Variants in ADD2 observed in about 807,000 individuals in gnomAD.
The protein encoded by ADD2 is beta-adducin.
ADD2 carries 23 observed loss-of-function variants against 83.0 expected under a neutral mutation model. The ratio of observed to expected loss-of-function variants is 0.28; its 90% CI spans 0.20 to 0.39. The LOEUF (loss-of-function observed/expected upper bound fraction) is 0.39, where lower values mean the gene tolerates loss of function less well. ADD2 is among the 10% of genes least tolerant of loss of function. The probability of loss-of-function intolerance (pLI) is 1.00; values close to 1 mark genes in which losing one functional copy is unlikely to be tolerated. For missense variants in ADD2, 758 were observed against 944.9 expected, an observed-to-expected ratio of 0.80 and a Z score of 2.59; for synonymous variants, 375 against 375.4, an observed-to-expected ratio of 1.00 and a Z score of 0.01.
At chr2:70,692,691 T>C in intron 6 of ADD2, 139 bp from the exon 7 acceptor site, 1 of 969,196 alleles carries the variant, frequency 1.0e-6, no homozygotes, top group Non-Finnish European at 1.5e-6. Context: ...GGACTTGGTG[T>C]TGGAAGAAAA....
chr2:70,735,328 T>C (rs1673482588), intron 1 of ADD2, among the ~76,000 whole-genome samples: 1 of 152,150 alleles, frequency 6.6e-6, no homozygotes, highest in African/African-American at 2.4e-5. Flanking sequence ...CTCAGCTACT[T>C]GGACTAGATG....
intron 1 of ADD2, among the ~76,000 whole-genome samples, chr2:70,721,476 G>A (rs1553377355): frequency 6.6e-6 from 1 of 152,134 alleles, no homozygotes; most frequent in Non-Finnish European, 1.5e-5. Context: ...AGAGCTAAAT[G>A]CTCCTTTTGA....
chr2:70,752,644 A>T (rs574940530), intron 1 of ADD2, among the ~76,000 whole-genome samples: 2 of 152,336 alleles, frequency 1.3e-5, no homozygotes, highest in African/African-American at 4.8e-5. Flanking sequence ...TGCAACTGGG[A>T]TGATGACACA....
At chr2:70,694,378 C>A (rs1326636182) in intron 6 of ADD2, among the ~76,000 whole-genome samples, 2 of 152,158 alleles carry the variant, frequency 1.3e-5, no homozygotes, top group Non-Finnish European at 2.9e-5. Context: ...CTTTCTACAA[C>A]AGAAATCTGC....
intron 1 of ADD2, among the ~76,000 whole-genome samples, chr2:70,752,115 C>T (rs1674536176): frequency 6.6e-6 from 1 of 152,128 alleles, no homozygotes; most frequent in African/African-American, 2.4e-5. Context: ...GGACATTTGC[C>T]AATGGACATT....
intron 2 of ADD2, among the ~76,000 whole-genome samples, chr2:70,707,284 C>T (rs1671953354): frequency 6.6e-6 from 1 of 152,240 alleles, no homozygotes; most frequent in African/African-American, 2.4e-5. Context: ...TCCCATTCAA[C>T]TCATGTTGAG....
At chr2:70,738,827 T>A (rs1012092765) in intron 1 of ADD2, among the ~76,000 whole-genome samples, 6 of 152,176 alleles carry the variant, frequency 3.9e-5, no homozygotes, top group Admixed American at 3.9e-4. Flanking sequence ...AATAATTAGC[T>A]GAGCCATAAG....
intron 1 of ADD2, among the ~76,000 whole-genome samples, chr2:70,758,431 T>C (rs782425439): frequency 4.3e-5 from 6 of 139,824 alleles, no homozygotes; most frequent in Non-Finnish European, 7.8e-5. Flanking sequence ...AGAGTTGTTT[T>C]GGAAGGGTTG....
intron 15 of ADD2, among the ~76,000 whole-genome samples, chr2:70,664,837 T>G (rs1185320638): frequency 1.3e-5 from 2 of 150,172 alleles, no homozygotes; most frequent in Non-Finnish European, 2.9e-5. Flanking sequence ...TTGTTTGCCA[T>G]GAGTGTGTCT....
In ADD2 at chr2:70,724,735, G is replaced by A. The variant is rs375974807; in HGVS notation, c.-153-11551C>T. On this transcript the variant is annotated intron_variant, in intron 1 of 15. Coordinates refer to ENST00000264436, the MANE Select transcript of ADD2 (RefSeq NM_001617.4). ...GCTTGTGCTCCTCTGACGCAGAGGC[G>A]AGGCACTGTACTAGGTGCCAGCCAC... is the stretch of plus-strand genomic sequence containing the variant. Among the ~76,000 whole-genome samples, 7 of 152,218 alleles carry A rather than the reference G, an allele frequency of 4.6e-5. No homozygotes were observed. The East Asian group carries it at 5.8e-4, about 13-fold the overall frequency.
chr2:70,703,361 A>C (rs1671711157), intron 4 of ADD2, among the ~76,000 whole-genome samples: 1 of 152,194 alleles, frequency 6.6e-6, no homozygotes, highest in Non-Finnish European at 1.5e-5. Context: ...TCACCTACTG[A>C]ATCAGGAGGA....
chr2:70,677,064 G>A (rs1281744561), intron 12 of ADD2, among the ~76,000 whole-genome samples, 179 bp from the exon 13 acceptor site: 1 of 152,144 alleles, frequency 6.6e-6, no homozygotes, highest in Non-Finnish European at 1.5e-5. Flanking sequence ...GTTCCAGGGT[G>A]AATTAGCAAT....
intron 1 of ADD2, among the ~76,000 whole-genome samples, chr2:70,729,169 C>G (rs935023250): frequency 6.6e-6 from 1 of 152,168 alleles, no homozygotes; most frequent in Non-Finnish European, 1.5e-5. Context: ...GATGCCAGGG[C>G]ACTCCTTCCC....
intron 8 of ADD2, among the ~76,000 whole-genome samples, chr2:70,690,582 C>T (rs1553371350): frequency 6.6e-6 from 1 of 152,092 alleles, no homozygotes; most frequent in Non-Finnish European, 1.5e-5. Flanking sequence ...GGGAAAACAA[C>T]TTATTTTATG....
Position 70,667,660 on chromosome 2 carries a change from C to T in ADD2, c.1871-3925G>A, listed in dbSNP as rs191820862. ...TGGGGGGATGGAATTTCGCTCTTGT[C>T]ACCCAGGCTGGAGTGTAATGGTGCA... On this transcript the variant is annotated intron_variant, in intron 15 of 15. Coordinates refer to ENST00000264436, the MANE Select transcript of ADD2 (RefSeq NM_001617.4). Among the ~76,000 whole-genome samples the T allele has an allele frequency of 2.2e-3, 328 of 152,260 alleles. 1 individual carries two copies. The highest frequency in any genetic ancestry group is 7.3e-3 in the African/African-American group (304 of 41,548).
At chr2:70,735,893 G>A (rs1553380078) in intron 1 of ADD2, among the ~76,000 whole-genome samples, 1 of 137,868 alleles carries the variant, frequency 7.3e-6, no homozygotes. Flanking sequence ...AGTAAAGATG[G>A]GGTTTCACCA....
At position 70,712,467 on chromosome 2, in the gene ADD2, A is replaced by AAAT. The variant is rs1558552204; in HGVS notation, c.-35+598_-35+599insATT. On this transcript the variant is annotated intron_variant, in intron 2 of 15. Coordinates refer to ENST00000264436, the MANE Select transcript of ADD2 (RefSeq NM_001617.4). The stretch of plus-strand genomic sequence containing the variant: ...TCAAAAAAAATAAATAAATAAAAAA[A>AAAT]AAAAAAAAGAAACTGAATCACAAAG... Among the ~76,000 whole-genome samples the AAAT allele has an allele frequency of 1.1e-4, 17 of 151,896 alleles. 1 individual carries two copies. The South Asian group carries it at 1.9e-3, about 17-fold the overall frequency.
At position 70,688,014 on chromosome 2, in the gene ADD2, A is replaced by C; in HGVS notation, c.948+10T>G. 1.9e-6 allele frequency: 3 copies of C among 1,612,372 alleles called. No individual in the cohort carries two copies. The highest frequency in any genetic ancestry group is 2.5e-6 in the Non-Finnish European group (3 of 1,178,462). On this transcript the variant is annotated intron_variant, in intron 9 of 15. Transcript: ENST00000264436. Reference sequence around the variant, plus strand: ...ACTCCTGGGCCCACTTTCCAGGAGAATTTGCTCACCTGTATCTCACATGCA... The same window carrying C: ...ACTCCTGGGCCCACTTTCCAGGAGACTTTGCTCACCTGTATCTCACATGCA...
chr2:70,751,090 C>G (rs1459202095), intron 1 of ADD2, among the ~76,000 whole-genome samples: 1 of 152,156 alleles, frequency 6.6e-6, no homozygotes, highest in Non-Finnish European at 1.5e-5. Context: ...TTGAATTTGC[C>G]ATTAATTAAT....
Sources: gnomAD v4.1 joint callset for allele counts (sites outside exome capture counted in the v4.1 genomes callset) on GRCh38, gnomAD v4.1.1 for gene constraint, MANE v1.5 for transcripts, NCBI Gene and HGNC (gene_info 2026-07-23, HGNC 2026-07-21) for gene names.